PTPRT: variants seen among roughly 807,000 people sequenced by gnomAD.
PTPRT encodes receptor-type tyrosine-protein phosphatase T.
In PTPRT, 56 loss-of-function variants were observed where a neutral mutation model predicts 176.8. The observed-to-expected ratio is 0.32, with a 90% CI of 0.26 to 0.40. The LOEUF (loss-of-function observed/expected upper bound fraction) is 0.40. Among genes scored for constraint, PTPRT ranks in the 10% least tolerant of loss-of-function variants. The pLI is 1.00. For synonymous variants in PTPRT, 783 were observed against 739.0 expected (o/e 1.06, Z -0.96); for missense variants, 1,540 against 1,908.2 (o/e 0.81, Z 3.60).
chr20:42,337,456 G>A (rs1039075140), intron 11 of PTPRT, among the ~76,000 whole-genome samples: 1 of 152,154 alleles, frequency 6.6e-6, no homozygotes, highest in Non-Finnish European at 1.5e-5. Context: ...CTTCAGGGCT[G>A]TATTGTGAGT....
chr20:42,258,439 GC>G (rs2056688106), intron 13 of PTPRT, among the ~76,000 whole-genome samples: 1 of 152,034 alleles, frequency 6.6e-6, no homozygotes, highest in Non-Finnish European at 1.5e-5. Context: ...TTCATATGTT[GC>G]AGTTAGTTTT....
chr20:42,806,822 A>G (rs1336696000), intron 2 of PTPRT, among the ~76,000 whole-genome samples: 1 of 152,134 alleles, frequency 6.6e-6, no homozygotes, highest in Non-Finnish European at 1.5e-5. Flanking sequence ...TTCTCAATCA[A>G]TGTTAGCCAT....
chr20:42,558,768 G>T (rs62203779), intron 7 of PTPRT, among the ~76,000 whole-genome samples: 5,456 of 152,158 alleles, frequency 0.036, 208 homozygotes, highest in South Asian at 0.099. Context: ...TGTAACCACC[G>T]ACAATACAGC....
At chr20:42,036,252 A>G in the PTPRT span, among the ~76,000 whole-genome samples, 1 of 152,238 alleles carries the variant, frequency 6.6e-6, no homozygotes. Flanking sequence ...CTTCTGAGTT[A>G]GGACAAGTGG....
chr20:42,774,252 T>A (rs1016969381), intron 4 of PTPRT, among the ~76,000 whole-genome samples: 2 of 152,146 alleles, frequency 1.3e-5, no homozygotes, highest in African/African-American at 4.8e-5. Context: ...TGATAGAGAC[T>A]TGAGAAAAAT....
chr20:43,074,113 C>A (rs2011221055), intron 1 of PTPRT, among the ~76,000 whole-genome samples: 1 of 151,822 alleles, frequency 6.6e-6, no homozygotes, highest in South Asian at 2.1e-4. Context: ...ATGTTATGGG[C>A]CGAGTGGCAA....
chr20:42,862,222 AG>A (rs1185166563), intron 2 of PTPRT, among the ~76,000 whole-genome samples: 1 of 152,182 alleles, frequency 6.6e-6, no homozygotes, highest in African/African-American at 2.4e-5. Context: ...GAACCACTCA[AG>A]GCTACATGGT....
chr20:42,681,423 T>A (rs180987269), intron 6 of PTPRT, among the ~76,000 whole-genome samples: 3 of 152,284 alleles, frequency 2.0e-5, no homozygotes, highest in Non-Finnish European at 1.5e-5. Context: ...GGACCCAATC[T>A]GGTCTAGAGG....
chr20:42,115,852 G>A (rs1035908242), intron 21 of PTPRT, among the ~76,000 whole-genome samples: 2 of 152,128 alleles, frequency 1.3e-5, no homozygotes, highest in Non-Finnish European at 2.9e-5. Flanking sequence ...GTGGCAGTTG[G>A]GGGTCTGGAA....
chr20:42,085,188 G>A (rs1444719296), intron 28 of PTPRT, among the ~76,000 whole-genome samples: 2 of 152,128 alleles, frequency 1.3e-5, no homozygotes, highest in African/African-American at 4.8e-5. Context: ...CTGTCTCAGT[G>A]GACAGTGAAC....
chr20:43,099,091 C>T (rs2012286108), intron 1 of PTPRT, among the ~76,000 whole-genome samples: 1 of 152,066 alleles, frequency 6.6e-6, no homozygotes, highest in African/African-American at 2.4e-5. Flanking sequence ...TGACAGCATT[C>T]TCACCTCCAC....
chr20:42,284,261 T>C (rs1242664624), intron 12 of PTPRT, among the ~76,000 whole-genome samples: 3 of 152,010 alleles, frequency 2.0e-5, no homozygotes, highest in East Asian at 1.9e-4. Flanking sequence ...TCTATTAACA[T>C]AGCTAACATC....
intron 6 of PTPRT, among the ~76,000 whole-genome samples, chr20:42,682,535 C>T (rs190605239): frequency 6.6e-6 from 1 of 152,354 alleles, no homozygotes; most frequent in Admixed American, 6.5e-5. Context: ...TCCACACCAT[C>T]ATCTGTGCAA....
chr20:42,704,314 G>A (rs906064822), intron 6 of PTPRT, among the ~76,000 whole-genome samples: 3 of 151,406 alleles, frequency 2.0e-5, no homozygotes, highest in East Asian at 1.9e-4. Flanking sequence ...CTGTCTTGCC[G>A]AGACACCCCA....
At chr20:43,041,689 T>C (rs539045913) in intron 1 of PTPRT, among the ~76,000 whole-genome samples, 1 of 152,384 alleles carries the variant, frequency 6.6e-6, no homozygotes, top group African/African-American at 2.4e-5. Context: ...TTTACTGTCA[T>C]GCCAAATATT....
chr20:42,843,541 C>A (rs542099621), intron 2 of PTPRT, among the ~76,000 whole-genome samples: 1 of 152,182 alleles, frequency 6.6e-6, no homozygotes, highest in Non-Finnish European at 1.5e-5. Context: ...TCCAAAGAAA[C>A]CTGGCAAGGG....
intron 9 of PTPRT, among the ~76,000 whole-genome samples, chr20:42,409,280 A>G (rs1203456051): frequency 6.6e-6 from 1 of 152,016 alleles, no homozygotes; most frequent in African/African-American, 2.4e-5. Context: ...CAGGAGTTCG[A>G]GACCAGCCTG....
At chr20:42,531,200 G>C (rs76690318) in intron 7 of PTPRT, among the ~76,000 whole-genome samples, 1,676 of 152,318 alleles carry the variant, frequency 0.011, 34 homozygotes, top group African/African-American at 0.039. Context: ...ATTATGGGCT[G>C]TGAAGTTCTG....
chr20:42,766,932 T>C (rs969730719), intron 5 of PTPRT, among the ~76,000 whole-genome samples: 4 of 152,204 alleles, frequency 2.6e-5, no homozygotes, highest in African/African-American at 9.7e-5. Context: ...TTGGCCATGA[T>C]GGGCCTGTTT....
Sources: gnomAD v4.1 joint callset for allele counts (sites outside exome capture counted in the v4.1 genomes callset) on GRCh38, gnomAD v4.1.1 for gene constraint, MANE v1.5 for transcripts, NCBI Gene and HGNC (gene_info 2026-07-23, HGNC 2026-07-21) for gene names.